Variants in PRELID2 observed in about 807,000 individuals in gnomAD.
PRELID2 encodes the protein PRELI domain containing 2.
In PRELID2, 25 loss-of-function variants were observed where a neutral mutation model predicts 28.4. The observed-to-expected ratio is 0.88, with a 90% confidence interval of 0.64 to 1.23. The LOEUF is 1.23. Among genes scored for constraint, PRELID2 ranks in the 50% most tolerant of loss-of-function variants. The pLI is 0.00. For missense variants in PRELID2, 201 were observed against 214.4 expected (o/e 0.94, Z 0.39); for synonymous variants, 76 against 71.6 (o/e 1.06, Z -0.31).
At chr5:145,439,436 G>A in the PRELID2 span, among the ~76,000 whole-genome samples, 8 of 151,964 alleles carry the variant, frequency 5.3e-5, no homozygotes, top group African/African-American at 1.9e-4. Flanking sequence ...ATATACCTCT[G>A]CCTGGGTCAA....
intron 1 of PRELID2, among the ~76,000 whole-genome samples, chr5:145,485,752 A>C (rs1752211745): frequency 6.6e-6 from 1 of 152,158 alleles, no homozygotes. Context: ...CCATAAACAT[A>C]AGGTACATGC....
intron 1 of PRELID2, among the ~76,000 whole-genome samples, chr5:145,530,571 T>C (rs559973114): frequency 1.3e-5 from 2 of 151,694 alleles, no homozygotes; most frequent in Admixed American, 6.6e-5. Flanking sequence ...GTGGCTGAGA[T>C]GGAGAAGAAA....
the PRELID2 span, among the ~76,000 whole-genome samples, chr5:145,418,063 C>G: frequency 6.6e-6 from 1 of 152,182 alleles, no homozygotes; most frequent in East Asian, 1.9e-4. Context: ...GACATAAAGT[C>G]AATGCACAGA....
the PRELID2 span, among the ~76,000 whole-genome samples, chr5:145,360,522 T>C: frequency 2.6e-5 from 4 of 152,156 alleles, no homozygotes; most frequent in Non-Finnish European, 4.4e-5. Context: ...AAGTAGGTTT[T>C]GTCTGGAAAA....
chr5:145,808,101 G>A (rs1271266440), intron 4 of PRELID2, among the ~76,000 whole-genome samples: 1 of 152,110 alleles, frequency 6.6e-6, no homozygotes, highest in Non-Finnish European at 1.5e-5. Context: ...CTGGTGCACT[G>A]GAAATCAAGG....
chr5:145,828,117 A>C, intron 1 of PRELID2, among the ~76,000 whole-genome samples: 1 of 152,238 alleles, frequency 6.6e-6, no homozygotes, highest in East Asian at 1.9e-4. Context: ...TTTAGAGCCC[A>C]AGAGATCTGA....
At chr5:145,681,895 C>G (rs1235707055) in intron 1 of PRELID2, among the ~76,000 whole-genome samples, 1 of 152,210 alleles carries the variant, frequency 6.6e-6, no homozygotes, top group Non-Finnish European at 1.5e-5. Context: ...TATACCTGCT[C>G]ATGCCAAATT....
At chr5:145,270,075 C>T in the PRELID2 span, among the ~76,000 whole-genome samples, 1 of 151,598 alleles carries the variant, frequency 6.6e-6, no homozygotes, top group Non-Finnish European at 1.5e-5. Context: ...TATTAAAAGA[C>T]TTATCAACAT....
At chr5:145,462,834 A>C in the PRELID2 span, among the ~76,000 whole-genome samples, 2 of 152,140 alleles carry the variant, frequency 1.3e-5, no homozygotes, top group Non-Finnish European at 1.5e-5. Context: ...CCTTAATCCT[A>C]GGTGAGGTGA....
At chr5:145,769,307 T>C (rs1349535095) in intron 5 of PRELID2, among the ~76,000 whole-genome samples, 2 of 152,252 alleles carry the variant, frequency 1.3e-5, no homozygotes, top group South Asian at 2.1e-4. Flanking sequence ...CGCAGGTTCA[T>C]TTCCCTAATA....
chr5:145,715,133 C>A (rs1755807626), intron 1 of PRELID2, among the ~76,000 whole-genome samples: 1 of 152,150 alleles, frequency 6.6e-6, no homozygotes, highest in Non-Finnish European at 1.5e-5. Flanking sequence ...TCTGTTTGTA[C>A]TTCTGATAGA....
At chr5:145,315,608 A>C in the PRELID2 span, among the ~76,000 whole-genome samples, 1 of 148,916 alleles carries the variant, frequency 6.7e-6, no homozygotes, top group African/African-American at 2.5e-5. Flanking sequence ...TGCCAGTTGG[A>C]TCTTTTTATC....
the PRELID2 span, among the ~76,000 whole-genome samples, chr5:145,285,311 C>A: frequency 2.0e-5 from 3 of 152,138 alleles, no homozygotes; most frequent in Non-Finnish European, 4.4e-5. Flanking sequence ...AGGACTAGGG[C>A]AGATGCTTAT....
chr5:145,500,359 G>T (rs145703948), intron 1 of PRELID2, among the ~76,000 whole-genome samples: 5 of 151,946 alleles, frequency 3.3e-5, no homozygotes, highest in Non-Finnish European at 7.4e-5. Flanking sequence ...GCCTTCCACC[G>T]TGATTGTAAG....
chr5:145,446,207 A>G, the PRELID2 span, among the ~76,000 whole-genome samples: 2 of 152,068 alleles, frequency 1.3e-5, no homozygotes, highest in Non-Finnish European at 2.9e-5. Context: ...ATCACTATAT[A>G]TAATATGTAT....
chr5:145,741,230 T>C (rs1304817466), intron 1 of PRELID2, among the ~76,000 whole-genome samples: 2 of 112,848 alleles, frequency 1.8e-5, no homozygotes, highest in South Asian at 2.7e-4. Context: ...ATATATATAA[T>C]ATATAATATA....
intron 5 of PRELID2, among the ~76,000 whole-genome samples, chr5:145,782,212 GTCTTGTCTCC>G (rs995457107): frequency 2.2e-4 from 34 of 152,326 alleles, no homozygotes; most frequent in African/African-American, 8.2e-4. Flanking sequence ...CCATGCATTT[GTCTTGTCTCC>G]TTCATCTGAA....
At chr5:145,810,301 A>C (rs1289638409) in intron 4 of PRELID2, among the ~76,000 whole-genome samples, 1 of 152,178 alleles carries the variant, frequency 6.6e-6, no homozygotes, top group Non-Finnish European at 1.5e-5. Context: ...GGCATCTCTC[A>C]TTCTACACAT....
intron 1 of PRELID2, among the ~76,000 whole-genome samples, chr5:145,550,754 G>A (rs924151752): frequency 1.3e-4 from 20 of 152,240 alleles, no homozygotes; most frequent in Admixed American, 2.6e-4. Flanking sequence ...ACAAGCTAGC[G>A]ATTCTTGATC....
Sources: allele counts gnomAD v4.1 joint callset (sites outside exome capture counted in the v4.1 genomes callset), GRCh38; gene constraint gnomAD v4.1.1; transcripts MANE v1.5; gene names NCBI Gene and HGNC (gene_info 2026-07-23, HGNC 2026-07-21).